The following RALGPS2 variants were observed in gnomAD, a reference collection of about 807,000 sequenced individuals.
The protein encoded by RALGPS2 is Ral GEF with PH domain and SH3 binding motif 2.
RALGPS2 carries 43 observed loss-of-function variants against 86.8 expected under a neutral mutation model. The ratio of observed to expected loss-of-function variants is 0.50; its 90% CI spans 0.39 to 0.64. The LOEUF (loss-of-function observed/expected upper bound fraction) is 0.64, where lower values mean the gene tolerates loss of function less well. RALGPS2 is among the 30% of genes least tolerant of loss of function. RALGPS2 has a pLI of 0.00. For missense variants in RALGPS2, 536 were observed against 694.6 expected (o/e 0.77, Z 2.57); for synonymous variants, 243 against 231.3 (o/e 1.05, Z -0.46).
At chr1:178,909,839 A>G (rs998018436) in intron 19 of RALGPS2, among the ~76,000 whole-genome samples, 1 of 151,432 alleles carries the variant, frequency 6.6e-6, no homozygotes. Flanking sequence ...TTAGTAGACA[A>G]AGGGTTTCAC....
At chr1:178,729,755 A>T (rs1271754135) in intron 1 of RALGPS2, among the ~76,000 whole-genome samples, 1 of 152,224 alleles carries the variant, frequency 6.6e-6, no homozygotes, top group Non-Finnish European at 1.5e-5. Flanking sequence ...CAAAATTTGA[A>T]ATCTGAATTT....
intron 14 of RALGPS2, among the ~76,000 whole-genome samples, chr1:178,891,914 A>T (rs1314054401): frequency 1.8e-5 from 2 of 112,918 alleles, no homozygotes; most frequent in African/African-American, 8.9e-5. Context: ...AGTATTTTTG[A>T]GGTTTTTTTT....
chr1:178,784,726 A>G (rs750466668), intron 3 of RALGPS2, among the ~76,000 whole-genome samples: 5 of 152,010 alleles, frequency 3.3e-5, no homozygotes, highest in Non-Finnish European at 5.9e-5. Context: ...TTTTAGGGCA[A>G]CTTTATAAGT....
intron 17 of RALGPS2, among the ~76,000 whole-genome samples, chr1:178,899,038 TTCACTTA>T (rs1660057545): frequency 6.6e-6 from 1 of 151,966 alleles, no homozygotes; most frequent in East Asian, 1.9e-4. Flanking sequence ...CTGGATAGAT[TTCACTTA>T]GCTGACTATT....
intron 1 of RALGPS2, among the ~76,000 whole-genome samples, chr1:178,772,541 A>G (rs909848509): frequency 2.0e-5 from 3 of 152,222 alleles, no homozygotes; most frequent in Non-Finnish European, 2.9e-5. Flanking sequence ...CTTTAAATGC[A>G]TTATTTTATA....
chr1:178,733,227 T>G (rs970669589), intron 1 of RALGPS2, among the ~76,000 whole-genome samples: 3 of 152,164 alleles, frequency 2.0e-5, no homozygotes, highest in African/African-American at 7.2e-5. Flanking sequence ...AAGACTGTAT[T>G]TCATTAAATA....
intron 8 of RALGPS2, among the ~76,000 whole-genome samples, chr1:178,845,784 A>G (rs1394171288): frequency 1.3e-5 from 2 of 152,180 alleles, no homozygotes. Context: ...AGAGATTACA[A>G]TGGGCTTTGT....
At chr1:178,896,875 G>T (rs1361836737) in intron 16 of RALGPS2, among the ~76,000 whole-genome samples, 1 of 150,254 alleles carries the variant, frequency 6.7e-6, no homozygotes, top group African/African-American at 2.5e-5. Flanking sequence ...TGGACATTTG[G>T]ATTGGTTCCA....
intron 19 of RALGPS2, among the ~76,000 whole-genome samples, chr1:178,907,803 A>T (rs1660450295): frequency 3.3e-5 from 5 of 152,240 alleles, no homozygotes. Flanking sequence ...TCACCCTGTC[A>T]TATCAGGATG....
At chr1:178,859,436 G>A (rs1299459475) in intron 8 of RALGPS2, among the ~76,000 whole-genome samples, 2 of 125,354 alleles carry the variant, frequency 1.6e-5, no homozygotes, top group African/African-American at 3.1e-5. Context: ...ACGGAGTCTC[G>A]CTCTGTCGCC....
At chr1:178,889,917 A>T (rs1264638659) in intron 14 of RALGPS2, among the ~76,000 whole-genome samples, 1 of 152,004 alleles carries the variant, frequency 6.6e-6, no homozygotes, top group Admixed American at 6.6e-5. Flanking sequence ...TGACACATGT[A>T]TTTGAATTTT....
At chr1:178,885,279 T>C (rs751031778) in intron 12 of RALGPS2, 68 bp downstream of exon 12, 8 of 1,452,322 alleles carry the variant, frequency 5.5e-6, no homozygotes, top group Non-Finnish European at 7.5e-6. Context: ...GTCGATTTAT[T>C]AGTTCAGTAG....
intron 1 of RALGPS2, among the ~76,000 whole-genome samples, chr1:178,729,623 G>C (rs548745446): frequency 6.6e-6 from 1 of 152,288 alleles, no homozygotes; most frequent in South Asian, 2.1e-4. Flanking sequence ...TAAACTTTTT[G>C]AGTGCCAGCA....
chr1:178,880,739 G>T (rs535139843), intron 10 of RALGPS2, among the ~76,000 whole-genome samples: 36 of 152,282 alleles, frequency 2.4e-4, no homozygotes, highest in African/African-American at 8.2e-4. Context: ...AGAATTTAAA[G>T]TTTATTAGAT....
chr1:178,820,070 C>A (rs921598271), intron 6 of RALGPS2, among the ~76,000 whole-genome samples: 3 of 152,138 alleles, frequency 2.0e-5, no homozygotes, highest in African/African-American at 7.2e-5. Context: ...TATGTAATAC[C>A]TTGAAATCAA....
chr1:178,914,472 G>A (rs373705878), intron 19 of RALGPS2, among the ~76,000 whole-genome samples: 1 of 152,060 alleles, frequency 6.6e-6, no homozygotes, highest in Non-Finnish European at 1.5e-5. Context: ...CCCTGTGCAG[G>A]GTTCCTAGCT....
chr1:178,753,320 A>G (rs2102048782), intron 1 of RALGPS2, among the ~76,000 whole-genome samples: 1 of 152,298 alleles, frequency 6.6e-6, no homozygotes, highest in East Asian at 1.9e-4. Flanking sequence ...TACAGCCATG[A>G]TTCTCTATGG....
intron 16 of RALGPS2, chr1:178,894,349 C>T (rs1659847279): frequency 6.0e-6 from 1 of 166,012 alleles, no homozygotes; most frequent in Non-Finnish European, 1.3e-5. Flanking sequence ...GTTTGCGATG[C>T]TATAGCAAAA....
intron 4 of RALGPS2, among the ~76,000 whole-genome samples, chr1:178,803,521 G>A (rs1324751384): frequency 6.7e-6 from 1 of 149,286 alleles, no homozygotes; most frequent in Non-Finnish European, 1.5e-5. Flanking sequence ...GAACAAAAAT[G>A]TTTCTAGCAG....
Sources: allele counts gnomAD v4.1 joint callset (sites outside exome capture counted in the v4.1 genomes callset), GRCh38; gene constraint gnomAD v4.1.1; transcripts MANE v1.5; gene names NCBI Gene and HGNC (gene_info 2026-07-23, HGNC 2026-07-21).